Variants in ACSM6 observed in about 807,000 individuals in gnomAD.
ACSM6 encodes acyl-coenzyme A synthetase ACSM6, mitochondrial.
Under a neutral mutation model 51.1 loss-of-function variants are expected in ACSM6, and 35 were observed. That is an observed-to-expected ratio of 0.69 (90% CI 0.52 to 0.91). The LOEUF (loss-of-function observed/expected upper bound fraction) is 0.91. Among genes scored for constraint, ACSM6 ranks in the 40% least tolerant of loss-of-function variants. The probability of loss-of-function intolerance (pLI) is 0.00; values close to 1 mark genes in which losing one functional copy is unlikely to be tolerated. For missense variants in ACSM6, 509 were observed against 584.1 expected (o/e 0.87, Z 1.32); for synonymous variants, 172 against 207.3 (o/e 0.83, Z 1.46).
chr10:95,211,748 A>G, intron 5 of ACSM6, 130 bp from the exon 6 acceptor site: 1 of 989,772 alleles, frequency 1.0e-6, no homozygotes, highest in Non-Finnish European at 1.4e-6. Context: ...CCTCATAAAT[A>G]GGCTTTGCCT....
At chr10:95,212,151 T>C (rs1320395901) in intron 6 of ACSM6, 117 bp downstream of exon 6, 11 of 1,274,730 alleles carry the variant, frequency 8.6e-6, no homozygotes, top group Non-Finnish European at 1.2e-5. Flanking sequence ...TGGAATGTGA[T>C]CTTGACTTGA....
At chr10:95,208,186 C>A (rs1271026150) in intron 4 of ACSM6, among the ~76,000 whole-genome samples, 1 of 151,636 alleles carries the variant, frequency 6.6e-6, no homozygotes, top group East Asian at 1.9e-4. Context: ...ATGGATGGAA[C>A]TGGAGGACAT....
At chr10:95,210,533 T>C in intron 4 of ACSM6, 117 bp from the exon 5 acceptor site, 1 of 1,115,932 alleles carries the variant, frequency 9.0e-7, no homozygotes, top group Non-Finnish European at 1.2e-6. Context: ...AATCCTCAAA[T>C]ATATCAAGAT....
exon 2 of ACSM6, chr10:95,194,483 C>T (rs1326094233): frequency 1.9e-6 from 3 of 1,551,470 alleles, no homozygotes; most frequent in Non-Finnish European, 2.6e-6. Context: ...CTGTCTGACC[C>T]AAATGCTAGG....
chr10:95,214,158 C>T (rs964862650), intron 7 of ACSM6, among the ~76,000 whole-genome samples: 1 of 152,146 alleles, frequency 6.6e-6, no homozygotes, highest in African/African-American at 2.4e-5. Context: ...CTTGCTTAGT[C>T]TTGGGACCTA....
intron 4 of ACSM6, among the ~76,000 whole-genome samples, chr10:95,209,717 GAA>G (rs1311890701): frequency 4.6e-5 from 7 of 151,576 alleles, no homozygotes; most frequent in African/African-American, 1.7e-4. Flanking sequence ...TTTTATAATT[GAA>G]GTTTTAAATT....
chr10:95,225,531 T>A, intron 10 of ACSM6, 140 bp downstream of exon 10: 1 of 567,014 alleles, frequency 1.8e-6, no homozygotes, highest in Non-Finnish European at 3.0e-6. Context: ...CCAAAAATGT[T>A]AAATAGTAGC....
At chr10:95,215,623 G>T (rs975353497) in intron 8 of ACSM6, among the ~76,000 whole-genome samples, 2 of 152,216 alleles carry the variant, frequency 1.3e-5, no homozygotes, top group Non-Finnish European at 2.9e-5. Context: ...TCAAGAAAAG[G>T]CAGATCAGTG....
At chr10:95,204,388 C>T (rs888603975) in intron 3 of ACSM6, among the ~76,000 whole-genome samples, 2 of 151,964 alleles carry the variant, frequency 1.3e-5, no homozygotes, top group African/African-American at 2.4e-5. Context: ...CCCGTCTCTA[C>T]TAAAAAAATA....
At chr10:95,197,297 C>G (rs1243898061) in intron 2 of ACSM6, among the ~76,000 whole-genome samples, 1 of 152,162 alleles carries the variant, frequency 6.6e-6, no homozygotes, top group African/African-American at 2.4e-5. Context: ...AGAGAAACAA[C>G]AGTGGGCCCA....
exon 11 of ACSM6, chr10:95,228,833 G>C: frequency 6.7e-7 from 1 of 1,488,242 alleles, no homozygotes; most frequent in Non-Finnish European, 9.0e-7. Context: ...GTTTGAAGAA[G>C]ACTCTGGACT....
chr10:95,223,104 A>G (rs998393677), intron 9 of ACSM6, among the ~76,000 whole-genome samples: 1 of 151,970 alleles, frequency 6.6e-6, no homozygotes, highest in African/African-American at 2.4e-5. Context: ...TTAATTTGTC[A>G]AATGAAGTAT....
At position 95,194,554 on chromosome 10, in the gene ACSM6, TC is replaced by T; in HGVS notation, c.71del (p.Pro24GlnfsTer18). 1 of 1,551,896 alleles carries T rather than the reference TC, an allele frequency of 6.4e-7. No homozygotes were observed. Among genetic ancestry groups the T allele is most frequent in the South Asian group, 1.2e-5 (1 of 84,058 alleles). On this transcript the variant is annotated frameshift_variant, in exon 2 of 11. Transcript: ENST00000341686. LOFTEE classifies it high-confidence loss of function. Reference sequence around the variant, plus strand: ...GACTGGGATTTGAAGCCTGCTGCTATCCAAACCAAAAATGTGCTACTCAGAC... The same window carrying T: ...GACTGGGATTTGAAGCCTGCTGCTATCAAACCAAAAATGTGCTACTCAGAC...
chr10:95,207,228 AGCC>A, exon 4 of ACSM6: 2 of 1,614,092 alleles, frequency 1.2e-6, no homozygotes, highest in Non-Finnish European at 1.7e-6. Flanking sequence ...TGTGCCTGGG[AGCC>A]CCCAGCTGAC....
At chr10:95,223,077 G>C (rs2035008735) in intron 9 of ACSM6, among the ~76,000 whole-genome samples, 1 of 151,718 alleles carries the variant, frequency 6.6e-6, no homozygotes, top group Non-Finnish European at 1.5e-5. Context: ...AAAGGGGGAA[G>C]ATGAAAGAGA....
chr10:95,194,809 C>CA, intron 2 of ACSM6, 132 bp downstream of exon 2: 1 of 787,206 alleles, frequency 1.3e-6, no homozygotes, highest in Non-Finnish European at 2.0e-6. Context: ...GAAATTATAG[C>CA]AAAATGACTA....
At chr10:95,199,594 C>T (rs370662634) in intron 2 of ACSM6, among the ~76,000 whole-genome samples, 10 of 152,144 alleles carry the variant, frequency 6.6e-5, no homozygotes, top group African/African-American at 1.9e-4. Flanking sequence ...ATTTTTGCAA[C>T]CTACTCATCT....
chr10:95,199,500 T>C (rs2034769698), intron 2 of ACSM6, among the ~76,000 whole-genome samples: 1 of 151,750 alleles, frequency 6.6e-6, no homozygotes, highest in South Asian at 2.1e-4. Context: ...AATTGACAAA[T>C]GGGATCTAAT....
At position 95,207,206 on chromosome 10, in the gene ACSM6, A is replaced by G. The variant is rs866288303; in HGVS notation, c.404-2A>G. The G allele has an allele frequency of 6.2e-7, 1 of 1,613,776 alleles. No individual in the cohort carries two copies. Among genetic ancestry groups the G allele is most frequent in the Non-Finnish European group, 8.5e-7 (1 of 1,179,866 alleles). ...GAAGCCTTCTTTTGTGGTTTTTTTC[A>G]GGAATCACCTTTGTGCCTGGGAGCC... On this transcript the variant is annotated splice_acceptor_variant, in intron 3 of 10. Transcript: ENST00000341686. LOFTEE classifies it high-confidence loss of function.
Sources: gnomAD v4.1 joint callset for allele counts (sites outside exome capture counted in the v4.1 genomes callset) on GRCh38, gnomAD v4.1.1 for gene constraint, MANE v1.5 for transcripts, NCBI Gene and HGNC (gene_info 2026-07-23, HGNC 2026-07-21) for gene names.